LNPEP: variants seen among roughly 807,000 people sequenced by gnomAD.
The protein encoded by LNPEP is leucyl-cystinyl aminopeptidase.
A neutral mutation model predicts 120.6 loss-of-function variants in LNPEP; 64 were observed. The observed-to-expected ratio is 0.53, with a 90% CI of 0.43 to 0.65. The LOEUF (loss-of-function observed/expected upper bound fraction) is 0.65. Ranked by LOEUF, LNPEP falls within the 30% of genes least tolerant of loss-of-function variation. The pLI is 0.00. For missense variants in LNPEP, 1,057 were observed against 1,200.0 expected (o/e 0.88, Z 1.76); for synonymous variants, 435 against 425.4 (o/e 1.02, Z -0.28).
At chr5:96,955,670 C>T (rs1365931715) in intron 1 of LNPEP, among the ~76,000 whole-genome samples, 2 of 152,152 alleles carry the variant, frequency 1.3e-5, no homozygotes, top group Non-Finnish European at 2.9e-5. Flanking sequence ...TACAGATCTA[C>T]CATAATTGTT....
Position 97,028,549 on chromosome 5 carries a change from C to A in LNPEP, c.*16C>A. The A allele has an allele frequency of 6.2e-7, 1 of 1,611,970 alleles. No individual in the cohort carries two copies. Among genetic ancestry groups the A allele is most frequent in the Non-Finnish European group, 8.5e-7 (1 of 1,178,872 alleles). ...GTGGCTGTAGCATGCACAACCGCAC[C>A]TCATTTTGTTGCCCATTCAGAGAGC... On this transcript the variant is annotated 3_prime_UTR_variant, in exon 18 of 18. Coordinates refer to ENST00000231368, the MANE Select transcript of LNPEP (RefSeq NM_005575.3).
rs1234662534 is a variant in LNPEP, at chr5:97,034,177, A to C, written c.*5644A>C. 1 of 151,922 alleles carries C rather than the reference A, an allele frequency of 6.6e-6. No homozygotes were observed. The highest frequency in any genetic ancestry group is 1.5e-5 in the Non-Finnish European group (1 of 67,974). 9.4% of individuals were successfully genotyped at this position (151,922 alleles called of 1,614,324 possible). A position where few individuals can be genotyped will look rare whatever the true frequency, so the allele number is the denominator to read the frequency against. ...TATAGATGGTTTTTCTTTTTTATCC[A>C]TCTGCCTATCTCCAGGAGGATGGGG... On this transcript the variant is annotated 3_prime_UTR_variant, in exon 18 of 18. Transcript: ENST00000231368.
chr5:97,024,766 G>C, intron 15 of LNPEP, 84 bp downstream of exon 15: 1 of 1,284,834 alleles, frequency 7.8e-7, no homozygotes. Context: ...ATTTTTGAGG[G>C]GATCTCTTTT....
chr5:96,996,296 G>A (rs1015623742), intron 6 of LNPEP, 94 bp from the exon 7 acceptor site: 4 of 728,076 alleles, frequency 5.5e-6, no homozygotes, highest in Non-Finnish European at 1.0e-5. Context: ...TTGTAATCAG[G>A]TTATAGATAA....
intron 4 of LNPEP, among the ~76,000 whole-genome samples, chr5:96,989,330 T>A (rs1369466294): frequency 9.3e-5 from 2 of 21,434 alleles, no homozygotes; most frequent in Non-Finnish European, 1.7e-4. Context: ...TAATATATAA[T>A]TATATATAAT....
chr5:96,997,797 T>A (rs1186338215), intron 7 of LNPEP, among the ~76,000 whole-genome samples: 1 of 152,134 alleles, frequency 6.6e-6, no homozygotes, highest in African/African-American at 2.4e-5. Flanking sequence ...CTAATTTTAA[T>A]GTGGCCAGGT....
intron 16 of LNPEP, 73 bp downstream of exon 16, chr5:97,026,830 G>A: frequency 7.5e-7 from 1 of 1,327,910 alleles, no homozygotes. Context: ...CCAGTGTTTT[G>A]GCTCACAGAA....
intron 13 of LNPEP, among the ~76,000 whole-genome samples, chr5:97,016,162 G>T (rs1791064915): frequency 6.6e-6 from 1 of 152,038 alleles, no homozygotes; most frequent in South Asian, 2.1e-4. Flanking sequence ...TAAGCAAGAT[G>T]CTTAAGTTAG....
chr5:97,006,180 A>T lies in LNPEP; in HGVS notation c.1893A>T (p.Gln631His). 4 of 1,606,242 alleles carry T rather than the reference A, an allele frequency of 2.5e-6. No individual in the cohort carries two copies. The highest frequency in any genetic ancestry group is 3.4e-6 in the Non-Finnish European group (4 of 1,176,500). ...AGAAAGGAAAGGAACTTTTTATACA[A>T]CAAGAGAGATTCTTTTTAAATATGA... ...VQKKGKELFI[Q>H]QERFFLNMKP... The change falls in exon 10 of 18, where the codon CAA becomes CAT. Residue 631 changes from glutamine to histidine, a missense_variant. Physicochemically the swap from Gln to His is conservative, Grantham distance 24 (BLOSUM62 0). Coordinates refer to ENST00000231368, the MANE Select transcript of LNPEP (RefSeq NM_005575.3).
At position 96,979,875 on chromosome 5, in the gene LNPEP, G is replaced by A. The variant is rs761584522; in HGVS notation, c.757G>A (p.Ala253Thr). Residue 253 changes from alanine (A) to threonine (T), a missense_variant, in exon 2 of 18, where the codon GCA becomes ACA. Ala to Thr is a moderately conservative substitution (Grantham distance 58). Coordinates refer to ENST00000231368, the MANE Select transcript of LNPEP (RefSeq NM_005575.3). The part of the protein sequence containing the change: ...IAIVAPEALL[A>T]GHNYTLKIEY... ...CATTGTTGCCCCCGAAGCCCTTCTA[G>A]CAGGGCACAATTATACGTTGAAGAT... The A allele has an allele frequency of 1.1e-4, 172 of 1,613,798 alleles. No individual in the cohort carries two copies. Among genetic ancestry groups the A allele is most frequent in the Admixed American group, 1.8e-4 (11 of 59,970 alleles).
At chr5:96,954,848 T>C (rs1479872815) in intron 1 of LNPEP, among the ~76,000 whole-genome samples, 1 of 134,948 alleles carries the variant, frequency 7.4e-6, no homozygotes, top group Admixed American at 7.9e-5. Context: ...AGTGGCACGA[T>C]CTCGGCTCAC....
chr5:96,955,585 A>G (rs1279649349), intron 1 of LNPEP, among the ~76,000 whole-genome samples: 1 of 152,250 alleles, frequency 6.6e-6, no homozygotes, highest in East Asian at 1.9e-4. Context: ...ACTGCACTCC[A>G]GCCTGGCTGG....
intron 13 of LNPEP, among the ~76,000 whole-genome samples, chr5:97,020,645 C>A (rs1248111166): frequency 2.0e-5 from 3 of 151,780 alleles, no homozygotes; most frequent in African/African-American, 7.3e-5. Context: ...ACTAAAAATA[C>A]AAAAAAATTA....
chr5:97,013,315 T>C (rs1257751920), intron 11 of LNPEP, among the ~76,000 whole-genome samples: 1 of 152,188 alleles, frequency 6.6e-6, no homozygotes, highest in Non-Finnish European at 1.5e-5. Context: ...TTGAATGCTG[T>C]CTTTTCTTTT....
chr5:96,996,499 C>T lies in LNPEP; in HGVS notation c.1517C>T (p.Ser506Phe), dbSNP rs1278816905. 1 of 1,520,746 alleles carries T rather than the reference C, an allele frequency of 6.6e-7. No homozygotes were observed. The highest frequency in any genetic ancestry group is 9.1e-7 in the Non-Finnish European group (1 of 1,096,184). 94.2% of individuals were successfully genotyped at this position (1,520,746 alleles called of 1,614,324 possible). A position where few individuals can be genotyped will look rare whatever the true frequency, so the allele number is the denominator to read the frequency against. ...TTGGAAAAAATATTCAAAGAGCTTT[C>T]TAGTGTAAGTACAGGGTTTCTTTGG... is the stretch of plus-strand genomic sequence containing the variant. ...FSLEKIFKEL[S>F]SYEDFLDARF... The change falls in exon 7 of 18, where the codon TCT becomes TTT. Residue 506 changes from serine to phenylalanine, a missense_variant. By Grantham distance (155) the Ser-to-Phe change is radical (BLOSUM62 -2). Transcript: ENST00000231368.
At chr5:97,012,474 C>G (rs753488993) in intron 11 of LNPEP, among the ~76,000 whole-genome samples, 14 of 152,084 alleles carry the variant, frequency 9.2e-5, no homozygotes, top group Non-Finnish European at 1.8e-4. Context: ...TTTATTGTGA[C>G]ATAGTCATTA....
chr5:96,971,711 G>C (rs1789867207), intron 1 of LNPEP, among the ~76,000 whole-genome samples: 1 of 151,480 alleles, frequency 6.6e-6, no homozygotes, highest in Non-Finnish European at 1.5e-5. Context: ...TTTATTTATT[G>C]AACCTTTTTC....
At chr5:96,980,941 C>T (rs1790107178) in intron 2 of LNPEP, among the ~76,000 whole-genome samples, 1 of 152,060 alleles carries the variant, frequency 6.6e-6, no homozygotes, top group East Asian at 1.9e-4. Flanking sequence ...TTTATTTTCC[C>T]TCTATGTAAT....
intron 7 of LNPEP, among the ~76,000 whole-genome samples, chr5:96,997,728 C>T (rs1361575454): frequency 1.3e-5 from 2 of 152,020 alleles, no homozygotes; most frequent in African/African-American, 4.8e-5. Flanking sequence ...TCAGAGTTGG[C>T]ATTTGTTTAC....
Sources: gnomAD v4.1 joint callset for allele counts (sites outside exome capture counted in the v4.1 genomes callset) on GRCh38, gnomAD v4.1.1 for gene constraint, MANE v1.5 for transcripts, NCBI Gene and HGNC (gene_info 2026-07-23, HGNC 2026-07-21) for gene names.